Variants in ZNF420 observed in about 807,000 individuals in gnomAD.
The protein encoded by ZNF420 is zinc finger protein 420.
Under a neutral mutation model 44.7 loss-of-function variants are expected in ZNF420, and 31 were observed. That is an observed-to-expected ratio of 0.69 (90% CI 0.52 to 0.94). ZNF420 has a LOEUF of 0.94. Ranked by LOEUF, ZNF420 falls within the 40% of genes least tolerant of loss-of-function variation. The pLI, the probability that ZNF420 is intolerant of heterozygous loss-of-function variation, is 0.00. For synonymous variants in ZNF420, 245 were observed against 267.4 expected (o/e 0.92, Z 0.82); for missense variants, 681 against 827.9 (o/e 0.82, Z 2.18).
chr19:37,129,862 A>G lies in ZNF420; in HGVS notation c.*804A>G. ...AAGTCTAAGATCCAAAGTCTAATAA[A>G]TCTAGGAATTTTTTAAAAACTTGAA... On this transcript the variant is annotated 3_prime_UTR_variant, in exon 5 of 5. Coordinates refer to ENST00000337995, the MANE Select transcript of ZNF420 (RefSeq NM_144689.5). 2.3e-6 allele frequency: 2 copies of G among 858,138 alleles called. No homozygotes were observed. Among genetic ancestry groups the G allele is most frequent in the Non-Finnish European group, 3.3e-6 (2 of 601,508 alleles). 53.2% of individuals were successfully genotyped at this position (858,138 alleles called of 1,614,324 possible). A position where few individuals can be genotyped will look rare whatever the true frequency, so the allele number is the denominator to read the frequency against.
chr19:37,088,585 CAT>C (rs932136191), intron 2 of ZNF420, among the ~76,000 whole-genome samples: 6 of 152,154 alleles, frequency 3.9e-5, no homozygotes, highest in African/African-American at 1.4e-4. Context: ...CATGAACACA[CAT>C]ATATTTAGCC....
intron 4 of ZNF420, among the ~76,000 whole-genome samples, chr19:37,108,893 A>G (rs1422505191): frequency 6.6e-6 from 1 of 152,212 alleles, no homozygotes; most frequent in Non-Finnish European, 1.5e-5. Context: ...ATTTTGTAAT[A>G]TCACCACACT....
chr19:37,077,812 T>C (rs146745727), upstream of ZNF420, among the ~76,000 whole-genome samples: 58 of 152,012 alleles, frequency 3.8e-4, no homozygotes, highest in African/African-American at 1.4e-3. Context: ...CAAACCACAA[T>C]AGAGATCTGT....
intron 4 of ZNF420, chr19:37,107,421 T>G (rs1384635457): frequency 6.6e-6 from 1 of 152,256 alleles, no homozygotes. Flanking sequence ...AGCCCTTTGG[T>G]AAATCCATTA....
At chr19:37,119,082 A>G (rs1048373402) in intron 4 of ZNF420, among the ~76,000 whole-genome samples, 2 of 152,200 alleles carry the variant, frequency 1.3e-5, no homozygotes, top group Non-Finnish European at 2.9e-5. Context: ...GTTAACAAGG[A>G]TACCCAGGAA....
At chr19:37,053,796 T>A (rs11084872) in intron 1 of ZNF420, among the ~76,000 whole-genome samples, 79,559 of 152,008 alleles carry the variant, frequency 0.52, 21,557 homozygotes, top group African/African-American at 0.63. Context: ...CAGTTAGGCT[T>A]CTCGGGGGTC....
At chr19:37,016,024 G>A (rs1204227362) in intron 1 of ZNF420, among the ~76,000 whole-genome samples, 1 of 152,154 alleles carries the variant, frequency 6.6e-6, no homozygotes, top group East Asian at 1.9e-4. Flanking sequence ...CATGTCATGA[G>A]TGTTTCCTCC....
chr19:37,047,973 A>G (rs193276901), intron 1 of ZNF420, among the ~76,000 whole-genome samples: 80 of 152,316 alleles, frequency 5.3e-4, no homozygotes, highest in Admixed American at 4.1e-3. Context: ...AGTTATCTCT[A>G]TATTTTTCCA....
chr19:37,079,088 G>A (rs1968281857), intron 1 of ZNF420, among the ~76,000 whole-genome samples: 1 of 152,162 alleles, frequency 6.6e-6, no homozygotes, highest in African/African-American at 2.4e-5. Flanking sequence ...TTTCATGACT[G>A]TGTAAAGAGA....
chr19:37,017,863 A>G (rs980743048), intron 1 of ZNF420, among the ~76,000 whole-genome samples: 1 of 152,152 alleles, frequency 6.6e-6, no homozygotes, highest in African/African-American at 2.4e-5. Context: ...ATTGAAGACA[A>G]TGAAATGAAT....
At chr19:37,037,832 TGTC>T (rs1009048178) in intron 1 of ZNF420, among the ~76,000 whole-genome samples, 5 of 152,142 alleles carry the variant, frequency 3.3e-5, no homozygotes, top group Non-Finnish European at 7.3e-5. Flanking sequence ...AAGCAAAAAA[TGTC>T]GTGTGACTAG....
chr19:37,036,462 C>T (rs936690849), intron 1 of ZNF420, among the ~76,000 whole-genome samples: 2 of 152,086 alleles, frequency 1.3e-5, no homozygotes, highest in African/African-American at 4.8e-5. Flanking sequence ...TGCTCTCCTG[C>T]CCCCCGTTCA....
At chr19:37,082,153 A>AT (rs1244369859) in intron 2 of ZNF420, among the ~76,000 whole-genome samples, 3 of 152,032 alleles carry the variant, frequency 2.0e-5, no homozygotes, top group South Asian at 2.1e-4. Context: ...GGCAATCTCC[A>AT]TTTTTTGTTG....
intron 4 of ZNF420, chr19:37,108,449 T>G (rs1250065548): frequency 6.6e-6 from 1 of 152,180 alleles, no homozygotes; most frequent in Admixed American, 6.5e-5. Context: ...TTATATAGTT[T>G]GGGAGTCTGG....
chr19:37,102,496 C>G (rs1969834531), intron 4 of ZNF420, among the ~76,000 whole-genome samples: 1 of 152,150 alleles, frequency 6.6e-6, no homozygotes, highest in African/African-American at 2.4e-5. Context: ...GACCTTTAGG[C>G]AGATGGTTTT....
chr19:37,123,620 T>TTTC (rs1971182692), intron 4 of ZNF420, among the ~76,000 whole-genome samples: 1 of 145,510 alleles, frequency 6.9e-6, no homozygotes, highest in African/African-American at 2.6e-5. Flanking sequence ...TTTTTTTTTT[T>TTTC]TTGAGCGGAG....
intron 1 of ZNF420, among the ~76,000 whole-genome samples, chr19:37,013,768 A>G (rs1406881973): frequency 6.6e-6 from 1 of 152,136 alleles, no homozygotes. Context: ...GGACGGAGCA[A>G]TGGCCTTCTC....
chr19:37,072,807 T>C (rs1968079053), intron 1 of ZNF420, among the ~76,000 whole-genome samples: 1 of 152,250 alleles, frequency 6.6e-6, no homozygotes, highest in South Asian at 2.1e-4. Flanking sequence ...ATTTTAATTT[T>C]GTAATATTCA....
At chr19:37,111,266 G>A (rs1351453611) in intron 4 of ZNF420, among the ~76,000 whole-genome samples, 1 of 152,020 alleles carries the variant, frequency 6.6e-6, no homozygotes, top group Non-Finnish European at 1.5e-5. Context: ...AATTTCTTTT[G>A]TTGCCTCTCG....
Sources: gnomAD v4.1 joint callset for allele counts (sites outside exome capture counted in the v4.1 genomes callset) on GRCh38, gnomAD v4.1.1 for gene constraint, MANE v1.5 for transcripts, NCBI Gene and HGNC (gene_info 2026-07-23, HGNC 2026-07-21) for gene names.